ZNF589: variants seen among roughly 807,000 people sequenced by gnomAD.
The protein encoded by ZNF589 is KRAB-zinc finger protein SZF1-1.
ZNF589 carries 17 observed loss-of-function variants against 13.6 expected under a neutral mutation model. The observed-to-expected ratio is 1.25, with a 90% CI of 0.86 to 1.88. ZNF589 has a LOEUF of 1.88. ZNF589 is among the 40% of genes most tolerant of loss of function. The pLI is 0.00. For synonymous variants in ZNF589, 148 were observed against 161.6 expected, an observed-to-expected ratio of 0.92 and a Z score of 0.64; for missense variants, 407 against 434.0, an observed-to-expected ratio of 0.94 and a Z score of 0.55.
chr3:48,243,595 T>G (rs969916718), intron 1 of ZNF589, among the ~76,000 whole-genome samples: 1 of 152,006 alleles, frequency 6.6e-6, no homozygotes, highest in African/African-American at 2.4e-5. Context: ...GTAGATCACC[T>G]GAGGTCAGGA....
intron 3 of ZNF589, 65 bp from the exon 4 acceptor site, chr3:48,267,850 T>C: frequency 6.7e-7 from 1 of 1,489,548 alleles, no homozygotes; most frequent in South Asian, 1.3e-5. Context: ...CCAGGTCTTA[T>C]CATAAAACAA....
At chr3:48,252,107 C>T (rs2033844666) in intron 2 of ZNF589, among the ~76,000 whole-genome samples, 1 of 152,018 alleles carries the variant, frequency 6.6e-6, no homozygotes, top group East Asian at 1.9e-4. Context: ...GAACTCTTCT[C>T]ACATTTGTAT....
chr3:48,259,918 C>CAAAAAAAAAAA (rs538817691), intron 2 of ZNF589, among the ~76,000 whole-genome samples: 1 of 98,162 alleles, frequency 1.0e-5, no homozygotes. Flanking sequence ...GACTCCGTAT[C>CAAAAAAAAAAA]AAAAAAAAAA....
chr3:48,258,088 G>A (rs1283879892), intron 2 of ZNF589: 6 of 299,044 alleles, frequency 2.0e-5, no homozygotes, highest in Non-Finnish European at 3.9e-5. Flanking sequence ...GATGGGAATT[G>A]TGTTAAATCT....
rs773502823 is a variant in ZNF589 at position 48,267,952 on chromosome 3, C to G, written c.261C>G (p.Cys87Trp). 13 of 1,612,782 alleles carry G rather than the reference C, an allele frequency of 8.1e-6. No homozygotes were observed. In the East Asian group the frequency reaches 2.5e-4, roughly 30 times the overall value. Residue 87 changes from cysteine to tryptophan, a missense_variant, in exon 4 of 4, where the codon TGC (cysteine) becomes TGG (tryptophan). By Grantham distance (215) the Cys-to-Trp change is radical. Coordinates refer to ENST00000354698, the MANE Select transcript of ZNF589 (RefSeq NM_016089.3). ...SKPEVHTCPSCPLAFGSQQFL... is the reference protein window; with the variant it reads ...SKPEVHTCPSWPLAFGSQQFL... ...CAGAAGTCCATACCTGCCCTTCTTG[C>G]CCTCTGGCCTTTGGCAGTCAGCAGT...
intron 2 of ZNF589, among the ~76,000 whole-genome samples, chr3:48,251,454 G>A (rs1200000032): frequency 6.6e-6 from 1 of 151,938 alleles, no homozygotes; most frequent in East Asian, 1.9e-4. Context: ...CAGCTACTTG[G>A]GAGGCTGAGG....
In ZNF589 at chr3:48,267,915, C is replaced by G. The variant is rs372307639; in HGVS notation, c.224C>G (p.Ala75Gly). 15 of 1,601,672 alleles carry G rather than the reference C, an allele frequency of 9.4e-6. No individual in the cohort carries two copies. Among genetic ancestry groups the G allele is most frequent in the Non-Finnish European group, 1.1e-5 (13 of 1,176,468 alleles). Residue 75 changes from alanine to glycine, a missense_variant and splice_region_variant, in exon 4 of 4, where the codon GCA becomes GGA. Physicochemically the swap from Ala to Gly is moderately conservative, Grantham distance 60 (BLOSUM62 0). Transcript: ENST00000354698. ...CTGACTGGAAACTTTCTTTCTTCAGCAGAATCAAAGCCAGAAGTCCATACC... is the reference window on the plus strand; with the variant it reads ...CTGACTGGAAACTTTCTTTCTTCAGGAGAATCAAAGCCAGAAGTCCATACC... ...LENLRNLVSL[A>G]ESKPEVHTCP...
chr3:48,254,097 A>G (rs962315984), intron 2 of ZNF589, among the ~76,000 whole-genome samples: 1 of 152,094 alleles, frequency 6.6e-6, no homozygotes, highest in Admixed American at 6.5e-5. Context: ...CTCTTAAAAA[A>G]CAAACAAAAC....
chr3:48,252,184 T>TTTA (rs199706178), intron 2 of ZNF589, among the ~76,000 whole-genome samples: 2 of 151,754 alleles, frequency 1.3e-5, no homozygotes, highest in South Asian at 2.1e-4. Flanking sequence ...GTCCTTAAAT[T>TTTA]TTATTATTAT....
At chr3:48,249,926 G>A (rs1410734732) in intron 2 of ZNF589, among the ~76,000 whole-genome samples, 4 of 152,066 alleles carry the variant, frequency 2.6e-5, no homozygotes, top group Non-Finnish European at 2.9e-5. Flanking sequence ...TCAGTAGTTC[G>A]AGACCAACCT....
At chr3:48,249,133 G>A (rs957384141) in intron 2 of ZNF589, among the ~76,000 whole-genome samples, 6 of 145,402 alleles carry the variant, frequency 4.1e-5, no homozygotes, top group South Asian at 2.2e-4. Context: ...ACAGAGTTTC[G>A]CTCTTGTCGC....
intron 2 of ZNF589, chr3:48,256,966 A>G (rs537715302): frequency 3.2e-6 from 2 of 622,322 alleles, no homozygotes; most frequent in African/African-American, 1.8e-5. Context: ...GACCTCCACA[A>G]TGATTGATTT....
In ZNF589 at chr3:48,257,085, T is replaced by A. The variant is rs974340919; in HGVS notation, c.97-3728T>A. 9 of 476,782 alleles carry A rather than the reference T, an allele frequency of 1.9e-5. 1 individual carries two copies. The highest frequency in any genetic ancestry group is 3.3e-5 in the Non-Finnish European group (8 of 241,050). The allele number at this position is 476,782 out of a possible 1,614,324, so 29.5% of individuals were successfully genotyped here. A position where few individuals can be genotyped will look rare whatever the true frequency, so the allele number is the denominator to read the frequency against. ...TCTTATATTTTGGGAGGGGGTATTG[T>A]ATCTCTGTGAGATATATTGATCTGT... On this transcript the variant is annotated intron_variant, in intron 2 of 3. Transcript: ENST00000354698.
chr3:48,241,781 C>T (rs1015803590), intron 1 of ZNF589, among the ~76,000 whole-genome samples: 3 of 152,104 alleles, frequency 2.0e-5, no homozygotes, highest in Admixed American at 6.5e-5. Context: ...CCGCCCACCT[C>T]GGCCTCCCAA....
In ZNF589 at chr3:48,267,136, C is replaced by A. The variant is rs193202755; in HGVS notation, c.224-779C>A. On this transcript the variant is annotated intron_variant, in intron 3 of 3. Coordinates refer to ENST00000354698, the MANE Select transcript of ZNF589 (RefSeq NM_016089.3). ...AGTTCTACCAGAAGTGAGGATTCAT[C>A]AGTGGAGAAGACAGGCACAACTGAC... 4.0e-3 allele frequency among the ~76,000 whole-genome samples: 602 copies of A among 152,344 alleles called. 7 individuals are homozygous for A. Among genetic ancestry groups the A allele is most frequent in the African/African-American group, 0.014 (566 of 41,578 alleles).
chr3:48,250,911 T>A (rs1276434020), intron 2 of ZNF589, among the ~76,000 whole-genome samples: 1 of 152,064 alleles, frequency 6.6e-6, no homozygotes, highest in African/African-American at 2.4e-5. Context: ...GTTTTTTAAA[T>A]ATGAAATTTT....
rs987032802 is a variant in ZNF589 at position 48,269,146 on chromosome 3, C to T, written c.*360C>T. Reference sequence around the variant, plus strand: ...GTGGGCGAAACTTTAGCCTCAAGTCCGCTCTTAGTGTACATCAGAGGATAC... The same window carrying T: ...GTGGGCGAAACTTTAGCCTCAAGTCTGCTCTTAGTGTACATCAGAGGATAC... On this transcript the variant is annotated 3_prime_UTR_variant, in exon 4 of 4. Transcript: ENST00000354698. 2.0e-5 allele frequency: 16 copies of T among 790,866 alleles called. No homozygotes were observed. Among genetic ancestry groups the T allele is most frequent in the Admixed American group, 1.8e-4 (7 of 39,104 alleles). 49.0% of individuals were successfully genotyped at this position (790,866 alleles called of 1,614,324 possible).
intron 2 of ZNF589, among the ~76,000 whole-genome samples, chr3:48,254,718 G>C (rs1412239608): frequency 6.6e-6 from 1 of 151,806 alleles, no homozygotes; most frequent in Non-Finnish European, 1.5e-5. Flanking sequence ...TAATTTTTTT[G>C]GTGCTCTGTG....
chr3:48,262,411 G>A (rs1386976563), intron 3 of ZNF589, among the ~76,000 whole-genome samples: 2 of 151,824 alleles, frequency 1.3e-5, no homozygotes, highest in Admixed American at 6.6e-5. Context: ...GTCTGGTCTC[G>A]AACTCCTGAC....
Sources: gnomAD v4.1 joint callset for allele counts (sites outside exome capture counted in the v4.1 genomes callset) on GRCh38, gnomAD v4.1.1 for gene constraint, MANE v1.5 for transcripts, NCBI Gene and HGNC (gene_info 2026-07-23, HGNC 2026-07-21) for gene names.